Variants in GABRA6 observed in about 807,000 individuals in gnomAD.
The protein encoded by GABRA6 is gamma-aminobutyric acid type A receptor subunit alpha6.
A neutral mutation model predicts 47.3 loss-of-function variants in GABRA6; 45 were observed. That is an observed-to-expected ratio of 0.95 (90% CI 0.75 to 1.22). GABRA6 has a LOEUF of 1.22. Ranked by LOEUF, GABRA6 falls within the 50% of genes most tolerant of loss-of-function variation. GABRA6 has a pLI of 0.00. For missense variants in GABRA6, 583 were observed against 549.3 expected (o/e 1.06, Z -0.61); for synonymous variants, 219 against 194.7 (o/e 1.12, Z -1.04).
chr5:161,697,022 C>A (rs1754898280), intron 8 of GABRA6, among the ~76,000 whole-genome samples: 1 of 152,164 alleles, frequency 6.6e-6, no homozygotes, highest in Non-Finnish European at 1.5e-5. Context: ...TAAATACTTC[C>A]TAAACATCTT....
At chr5:161,698,319 T>C (rs6556558) in intron 8 of GABRA6, among the ~76,000 whole-genome samples, 85,439 of 151,734 alleles carry the variant, frequency 0.56, 24,677 homozygotes, top group Non-Finnish European at 0.64. Flanking sequence ...GGCAGAAAAA[T>C]GCATAAGGCT....
At chr5:161,695,260 A>G (rs1021142714) in intron 8 of GABRA6, among the ~76,000 whole-genome samples, 1 of 152,164 alleles carries the variant, frequency 6.6e-6, no homozygotes, top group Admixed American at 6.5e-5. Context: ...TAAAATCTAG[A>G]TCTCAAACCC....
chr5:161,701,852 T>A lies in GABRA6; in HGVS notation c.*79T>A. 2.1e-6 allele frequency: 3 copies of A among 1,401,718 alleles called. No individual in the cohort carries two copies. Among genetic ancestry groups the A allele is most frequent in the Non-Finnish European group, 3.0e-6 (3 of 990,966 alleles). The allele number at this position is 1,401,718 out of a possible 1,614,324, so 86.8% of individuals were successfully genotyped here. A position where few individuals can be genotyped will look rare whatever the true frequency, so the allele number is the denominator to read the frequency against. On this transcript the variant is annotated 3_prime_UTR_variant, in exon 9 of 9. Transcript: ENST00000274545. The stretch of plus-strand genomic sequence containing the variant: ...TTTTCTTAAAAAATAGCATTGAGAC[T>A]TGTGTAGATGCTTCTCAGAACATGA...
intron 8 of GABRA6, among the ~76,000 whole-genome samples, chr5:161,699,341 T>C (rs768615690): frequency 1.3e-5 from 2 of 152,136 alleles, no homozygotes; most frequent in Non-Finnish European, 2.9e-5. Flanking sequence ...TGGCTCTTTT[T>C]AGAGGGTGAA....
In GABRA6 at chr5:161,689,239, T is replaced by C. The variant is rs1233777446; in HGVS notation, c.447-15T>C. ...CATAATACTAACTCAGAACCGTTGA[T>C]TTCAATGTTTCTAGGCTTACCATCA... On this transcript the variant is annotated splice_polypyrimidine_tract_variant and intron_variant, in intron 4 of 8. Transcript: ENST00000274545. The C allele has an allele frequency of 1.2e-6, 2 of 1,613,344 alleles. No homozygotes were observed. The highest frequency in any genetic ancestry group is 8.5e-7 in the Non-Finnish European group (1 of 1,179,348).
chr5:161,692,977 A>C (rs982419277), intron 8 of GABRA6, among the ~76,000 whole-genome samples: 3 of 152,226 alleles, frequency 2.0e-5, no homozygotes, highest in African/African-American at 7.2e-5. Context: ...TTAATGGATA[A>C]TAAAACTGAT....
chr5:161,686,420 G>C, intron 2 of GABRA6, 72 bp downstream of exon 2: 1 of 1,166,948 alleles, frequency 8.6e-7, no homozygotes, highest in Non-Finnish European at 1.3e-6. Flanking sequence ...TGAAGACCCA[G>C]AAGAGTCAGA....
At chr5:161,695,619 A>G (rs1419786228) in intron 8 of GABRA6, among the ~76,000 whole-genome samples, 1 of 152,046 alleles carries the variant, frequency 6.6e-6, no homozygotes, top group East Asian at 1.9e-4. Context: ...CCTTATCACT[A>G]TGTTCCTGAC....
At chr5:161,691,876 C>G (rs1754799106) in intron 7 of GABRA6, 65 bp from the exon 8 acceptor site, 3 of 1,464,056 alleles carry the variant, frequency 2.0e-6, no homozygotes, top group Non-Finnish European at 2.9e-6. Context: ...CTGACACATT[C>G]TCATTTGATT....
intron 8 of GABRA6, among the ~76,000 whole-genome samples, chr5:161,698,540 G>T (rs6556559): frequency 0.48 from 72,627 of 151,736 alleles, 18,112 homozygotes; most frequent in Non-Finnish European, 0.57. Flanking sequence ...ATATGTATAT[G>T]TGTATATATA....
In GABRA6 at chr5:161,701,793, GA is replaced by G; in HGVS notation, c.*22del. 1 of 1,612,926 alleles carries G rather than the reference GA, an allele frequency of 6.2e-7. No homozygotes were observed. The highest frequency in any genetic ancestry group is 1.1e-5 in the South Asian group (1 of 91,024). On this transcript the variant is annotated 3_prime_UTR_variant, in exon 9 of 9. Transcript: ENST00000274545. ...GAATAGCTTGCGGCCAGGACAACCT[GA>G]ATTCTATAAGTTCTTGTTTTCTGTT...
intron 8 of GABRA6, among the ~76,000 whole-genome samples, chr5:161,700,686 T>A (rs1299948906): frequency 2.0e-5 from 3 of 152,178 alleles, no homozygotes; most frequent in African/African-American, 7.2e-5. Flanking sequence ...AAGACTATAG[T>A]TGATTGTGTC....
Position 161,701,494 on chromosome 5 carries a change from A to G in GABRA6, c.1087-4A>G, listed in dbSNP as rs367673669. 2 of 1,613,890 alleles carry G rather than the reference A, an allele frequency of 1.2e-6. No individual in the cohort carries two copies. Among genetic ancestry groups the G allele is most frequent in the South Asian group, 1.1e-5 (1 of 91,086 alleles). On this transcript the variant is annotated splice_polypyrimidine_tract_variant and splice_region_variant and intron_variant, in intron 8 of 8. Transcript: ENST00000274545. ...TGGGCTTAATATTTGTCTTTTTTCC[A>G]CAGCATCCTGACTCCAAATATCATC... is the stretch of plus-strand genomic sequence containing the variant.
rs1246685015 is a variant in GABRA6 at position 161,690,272 on chromosome 5, A to T, written c.745A>T (p.Thr249Ser). The T allele has an allele frequency of 6.2e-7, 1 of 1,613,018 alleles. No homozygotes were observed. The highest frequency in any genetic ancestry group is 1.7e-5 in the Admixed American group (1 of 59,980). ...GGGCTACTTCATGATACAGATATACACTCCTTGCATTATGACAGTCATTCT... is the reference window on the plus strand; with the variant it reads ...GGGCTACTTCATGATACAGATATACTCTCCTTGCATTATGACAGTCATTCT... ...KMGYFMIQIY[T>S]PCIMTVILSQ... is the part of the protein sequence containing the mutation. Residue 249 changes from threonine (T) to serine (S), a missense_variant, in exon 7 of 9, where the codon ACT becomes TCT. Transcript: ENST00000274545.
In GABRA6 at chr5:161,689,332, G is replaced by A; in HGVS notation, c.525G>A (p.Gly175=). ...MDGHACPLKF[G]SYAYPKSEII... ...GGCATGCTTGTCCACTCAAGTTTGG[G>A]AGCTGTAAGTTACAACAGGCTTCTG... Residue 175 remains glycine, a synonymous_variant, in exon 5 of 9, where the codon GGG becomes GGA. Transcript: ENST00000274545. The A allele has an allele frequency of 1.9e-6, 3 of 1,613,762 alleles. No individual in the cohort carries two copies. Among genetic ancestry groups the A allele is most frequent in the African/African-American group, 1.3e-5 (1 of 75,014 alleles).
chr5:161,697,504 C>T (rs1405111179), intron 8 of GABRA6, among the ~76,000 whole-genome samples: 1 of 152,150 alleles, frequency 6.6e-6, no homozygotes, highest in Non-Finnish European at 1.5e-5. Context: ...GAAATTTCCC[C>T]AATCACTCCC....
intron 8 of GABRA6, among the ~76,000 whole-genome samples, chr5:161,693,921 A>T (rs561413489): frequency 6.6e-6 from 1 of 152,324 alleles, no homozygotes; most frequent in East Asian, 1.9e-4. Flanking sequence ...AAAGACTGAA[A>T]TATGCCAGGG....
At position 161,689,051 on chromosome 5, in the gene GABRA6, A is replaced by T. The variant is rs1032541161; in HGVS notation, c.328A>T (p.Lys110Ter). 29 of 1,613,968 alleles carry T rather than the reference A, an allele frequency of 1.8e-5. No individual in the cohort carries two copies. Among genetic ancestry groups the T allele is most frequent in the Non-Finnish European group, 2.4e-5 (28 of 1,179,966 alleles). The change falls in exon 4 of 9, where the codon AAA becomes TAA. Residue 110 changes from lysine (K) to a stop codon, truncating the protein, a stop_gained. Coordinates refer to ENST00000274545, the MANE Select transcript of GABRA6 (RefSeq NM_000811.3). LOFTEE classifies it high-confidence loss of function. The part of the protein sequence containing the change: ...ILSLNNLMVS[K>*]IWTPDTFFRN... ...GAGTCTGAATAATTTGATGGTCAGT[A>T]AAATCTGGACGCCTGACACCTTTTT...
chr5:161,701,438 T>A, intron 8 of GABRA6, 60 bp from the exon 9 acceptor site: 1 of 1,553,042 alleles, frequency 6.4e-7, no homozygotes, highest in Non-Finnish European at 8.9e-7. Context: ...AGTGAATAAA[T>A]AAGCAATTAA....
Sources: gnomAD v4.1 joint callset for allele counts (sites outside exome capture counted in the v4.1 genomes callset) on GRCh38, gnomAD v4.1.1 for gene constraint, MANE v1.5 for transcripts, NCBI Gene and HGNC (gene_info 2026-07-23, HGNC 2026-07-21) for gene names.